JAKMIP2: variants seen among roughly 807,000 people sequenced by gnomAD.
JAKMIP2 encodes the protein janus kinase and microtubule-interacting protein 2.
A neutral mutation model predicts 115.0 loss-of-function variants in JAKMIP2; 25 were observed. The observed-to-expected ratio is 0.22, with a 90% CI of 0.16 to 0.30. JAKMIP2 has a LOEUF of 0.30. Among genes scored for constraint, JAKMIP2 ranks in the 10% least tolerant of loss-of-function variants. JAKMIP2 has a pLI of 1.00. For synonymous variants in JAKMIP2, 334 were observed against 343.6 expected, an observed-to-expected ratio of 0.97 and a Z score of 0.31; for missense variants, 642 against 957.6, an observed-to-expected ratio of 0.67 and a Z score of 4.35.
At chr5:147,716,596 C>A (rs75716637) in intron 1 of JAKMIP2, among the ~76,000 whole-genome samples, 1 of 151,986 alleles carries the variant, frequency 6.6e-6, no homozygotes, top group East Asian at 1.9e-4. Flanking sequence ...TGATGGCCAG[C>A]GATGATGAGC....
intron 21 of JAKMIP2, among the ~76,000 whole-genome samples, chr5:147,601,369 T>C (rs1755684505): frequency 6.6e-6 from 1 of 152,062 alleles, no homozygotes; most frequent in Non-Finnish European, 1.5e-5. Flanking sequence ...GGCAGGAGGA[T>C]TGCTTGAGCT....
intron 2 of JAKMIP2, among the ~76,000 whole-genome samples, chr5:147,664,957 T>C (rs555966732): frequency 5.6e-4 from 85 of 152,260 alleles, no homozygotes; most frequent in Non-Finnish European, 7.8e-4. Context: ...GATCAGCCCC[T>C]CCTCAACCCC....
intron 1 of JAKMIP2, among the ~76,000 whole-genome samples, chr5:147,690,755 T>C (rs1011875362): frequency 6.6e-6 from 1 of 151,916 alleles, no homozygotes; most frequent in Non-Finnish European, 1.5e-5. Flanking sequence ...CAGGTGAGTG[T>C]GTAGCTCCTT....
At chr5:147,776,272 G>A (rs935564559) in intron 1 of JAKMIP2, among the ~76,000 whole-genome samples, 1 of 152,162 alleles carries the variant, frequency 6.6e-6, no homozygotes, top group African/African-American at 2.4e-5. Flanking sequence ...GGGACCCAGA[G>A]GGAGGTAATT....
intron 1 of JAKMIP2, among the ~76,000 whole-genome samples, chr5:147,764,932 G>GAAAGAAAGAAAGAAAGAAAGAAAGAAA (rs1212179194): frequency 6.4e-5 from 5 of 77,630 alleles, no homozygotes; most frequent in African/African-American, 7.8e-5. Context: ...GAGAGAGAGA[G>GAAAGAAAGAAAGAAAGAAAGAAAGAAA]AGAGAGAGAG....
intron 2 of JAKMIP2, 150 bp from the exon 3 acceptor site, chr5:147,661,595 C>T (rs573989036): frequency 5.6e-6 from 4 of 717,842 alleles, no homozygotes; most frequent in South Asian, 1.9e-5. Flanking sequence ...GAACTACAGG[C>T]CTTGAAGCTG....
chr5:147,692,838 A>G (rs1416933865), intron 1 of JAKMIP2, among the ~76,000 whole-genome samples: 1 of 152,124 alleles, frequency 6.6e-6, no homozygotes, highest in African/African-American at 2.4e-5. Context: ...GGGTAATAAT[A>G]AGATTGACAA....
intron 1 of JAKMIP2, among the ~76,000 whole-genome samples, chr5:147,685,851 G>T (rs2126845878): frequency 6.6e-6 from 1 of 152,196 alleles, no homozygotes; most frequent in South Asian, 2.1e-4. Context: ...AATAATTGAG[G>T]CTTTTCTTTT....
In JAKMIP2 at chr5:147,605,444, G is replaced by C. The variant is rs552994709; in HGVS notation, c.2413-3633C>G. Among the ~76,000 whole-genome samples, 852 of 152,046 alleles carry C rather than the reference G, an allele frequency of 5.6e-3. 10 individuals carry two copies. The highest frequency in any genetic ancestry group is 0.02 in the African/African-American group (818 of 41,470). On this transcript the variant is annotated intron_variant, in intron 20 of 21. Coordinates refer to ENST00000616793, the MANE Select transcript of JAKMIP2 (RefSeq NM_001270941.2). ...TAGGATGGTCTCGATCTCCTGACCTGGTGATCCGCCCACCTCGGCCTCCCA... is the reference window on the plus strand; with the variant it reads ...TAGGATGGTCTCGATCTCCTGACCTCGTGATCCGCCCACCTCGGCCTCCCA...
intron 19 of JAKMIP2, among the ~76,000 whole-genome samples, chr5:147,616,587 G>A (rs919857297): frequency 6.6e-6 from 1 of 152,142 alleles, no homozygotes; most frequent in Non-Finnish European, 1.5e-5. Flanking sequence ...ACATGCTATT[G>A]CAGCACAAGA....
intron 1 of JAKMIP2, among the ~76,000 whole-genome samples, chr5:147,693,005 C>T (rs894418243): frequency 9.2e-5 from 14 of 152,008 alleles, no homozygotes; most frequent in Admixed American, 3.9e-4. Flanking sequence ...TTATGTGTGC[C>T]ACCAATTTTG....
At chr5:147,714,599 C>T (rs2126920326) in intron 1 of JAKMIP2, among the ~76,000 whole-genome samples, 1 of 152,200 alleles carries the variant, frequency 6.6e-6, no homozygotes, top group South Asian at 2.1e-4. Flanking sequence ...ATTGATGAAA[C>T]ATATCTATCC....
chr5:147,620,614 A>G (rs1756805534), intron 18 of JAKMIP2, 52 bp downstream of exon 18: 3 of 1,236,684 alleles, frequency 2.4e-6, no homozygotes, highest in Non-Finnish European at 3.5e-6. Flanking sequence ...ACTTAATTCC[A>G]CAGTGCATAA....
chr5:147,722,714 C>A (rs1160784999), intron 1 of JAKMIP2, among the ~76,000 whole-genome samples: 1 of 152,118 alleles, frequency 6.6e-6, no homozygotes, highest in African/African-American at 2.4e-5. Flanking sequence ...TCATCTGATA[C>A]TGAAGATGAC....
At chr5:147,651,686 T>A (rs1223887015) in intron 3 of JAKMIP2, among the ~76,000 whole-genome samples, 1 of 152,182 alleles carries the variant, frequency 6.6e-6, no homozygotes, top group Non-Finnish European at 1.5e-5. Context: ...CATATAAATA[T>A]CTGTGAGCTA....
At chr5:147,621,553 T>C (rs1476756446) in intron 17 of JAKMIP2, among the ~76,000 whole-genome samples, 1 of 152,238 alleles carries the variant, frequency 6.6e-6, no homozygotes, top group East Asian at 1.9e-4. Flanking sequence ...CAGTGCCTGA[T>C]ACAGACTAAT....
At chr5:147,626,290 T>C (rs1391280466) in intron 16 of JAKMIP2, among the ~76,000 whole-genome samples, 1 of 152,200 alleles carries the variant, frequency 6.6e-6, no homozygotes, top group Non-Finnish European at 1.5e-5. Flanking sequence ...TCTACCACAG[T>C]GCTAAGCACA....
chr5:147,684,187 G>A (rs1183906734), intron 1 of JAKMIP2, among the ~76,000 whole-genome samples: 1 of 152,004 alleles, frequency 6.6e-6, no homozygotes, highest in Non-Finnish European at 1.5e-5. Context: ...TCAGGAATCA[G>A]ACCATCAACT....
intron 1 of JAKMIP2, among the ~76,000 whole-genome samples, chr5:147,675,257 T>C (rs12653567): frequency 0.19 from 29,095 of 151,652 alleles, 3,141 homozygotes; most frequent in East Asian, 0.45. Flanking sequence ...GAAAAAAAAA[T>C]AGATGCACAT....
Sources: allele counts gnomAD v4.1 joint callset (sites outside exome capture counted in the v4.1 genomes callset), GRCh38; gene constraint gnomAD v4.1.1; transcripts MANE v1.5; gene names NCBI Gene and HGNC (gene_info 2026-07-23, HGNC 2026-07-21).